Variants in ABHD12 observed in about 807,000 individuals in gnomAD.
ABHD12 encodes the protein abhydrolase domain containing 12, lysophospholipase.
ABHD12 carries 43 observed loss-of-function variants against 58.3 expected under a neutral mutation model. The ratio of observed to expected loss-of-function variants is 0.74; its 90% CI spans 0.58 to 0.95. The LOEUF is 0.95. Ranked by LOEUF, ABHD12 falls within the 40% of genes least tolerant of loss-of-function variation. The pLI is 0.00. For missense variants in ABHD12, 539 were observed against 537.2 expected, an observed-to-expected ratio of 1.00 and a Z score of -0.03; for synonymous variants, 219 against 211.2, an observed-to-expected ratio of 1.04 and a Z score of -0.32.
intron 1 of ABHD12, among the ~76,000 whole-genome samples, chr20:25,344,606 A>G (rs2089494889): frequency 6.6e-6 from 1 of 152,248 alleles, no homozygotes; most frequent in South Asian, 2.1e-4. Flanking sequence ...AACTTTATAG[A>G]TTCAATATAA....
At chr20:25,312,671 G>A (rs1239080548) in intron 6 of ABHD12, among the ~76,000 whole-genome samples, 1 of 148,372 alleles carries the variant, frequency 6.7e-6, no homozygotes, top group Admixed American at 6.7e-5. Context: ...CCCTCTGCCT[G>A]GCTGCCCAGT....
intron 2 of ABHD12, chr20:25,338,874 T>G: frequency 9.2e-7 from 1 of 1,090,630 alleles, no homozygotes; most frequent in Non-Finnish European, 1.1e-6. Flanking sequence ...GTTGTCAACA[T>G]TTTTACTCAC....
chr20:25,304,395 G>A (rs866783617), intron 10 of ABHD12, among the ~76,000 whole-genome samples: 2 of 152,168 alleles, frequency 1.3e-5, no homozygotes, highest in African/African-American at 2.4e-5. Context: ...CCCAGACCAC[G>A]GCCCACCTGA....
chr20:25,350,998 CACACACACACA>C (rs1161442062), intron 1 of ABHD12, among the ~76,000 whole-genome samples: 8 of 100,148 alleles, frequency 8.0e-5, no homozygotes, highest in Non-Finnish European at 1.5e-4. Flanking sequence ...CACACACACA[CACACACACACA>C]CCCTTATTAA....
chr20:25,356,805 C>T (rs1275610783), intron 1 of ABHD12, among the ~76,000 whole-genome samples: 1 of 152,142 alleles, frequency 6.6e-6, no homozygotes, highest in Non-Finnish European at 1.5e-5. Context: ...AAGGGAAATG[C>T]TTAGCGAGGC....
chr20:25,312,973 C>A (rs1445335270), intron 6 of ABHD12, among the ~76,000 whole-genome samples: 1 of 151,392 alleles, frequency 6.6e-6, no homozygotes, highest in African/African-American at 2.4e-5. Context: ...TGGGGGCCAG[C>A]CCCCGACCGG....
chr20:25,337,448 T>A (rs1264174345), intron 2 of ABHD12, among the ~76,000 whole-genome samples: 3 of 152,180 alleles, frequency 2.0e-5, no homozygotes, highest in Non-Finnish European at 4.4e-5. Flanking sequence ...AAAGTTCTCC[T>A]CCCTCAGAGC....
At chr20:25,373,934 A>C (rs996835920) in intron 1 of ABHD12, among the ~76,000 whole-genome samples, 8 of 151,918 alleles carry the variant, frequency 5.3e-5, no homozygotes, top group Non-Finnish European at 7.4e-5. Flanking sequence ...GCATTTATTT[A>C]TTTATTTATT....
intron 3 of ABHD12, among the ~76,000 whole-genome samples, chr20:25,322,757 CT>C (rs1184747875): frequency 2.0e-5 from 3 of 151,780 alleles, no homozygotes; most frequent in African/African-American, 7.3e-5. Context: ...GAGTCTTGCT[CT>C]GTCATCCAGG....
downstream of ABHD12, chr20:25,296,827 C>G: frequency 7.8e-6 from 3 of 385,472 alleles, no homozygotes; most frequent in South Asian, 9.1e-5. Context: ...CTGCTGGGCT[C>G]CCCCAGAACT....
At chr20:25,303,106 G>A (rs1373217892) in intron 11 of ABHD12, among the ~76,000 whole-genome samples, 1 of 152,216 alleles carries the variant, frequency 6.6e-6, no homozygotes, top group Non-Finnish European at 1.5e-5. Context: ...AAACAGGCTA[G>A]AAGTTTCTCT....
At chr20:25,372,951 T>C (rs756374535) in intron 1 of ABHD12, among the ~76,000 whole-genome samples, 10 of 152,206 alleles carry the variant, frequency 6.6e-5, no homozygotes, top group Non-Finnish European at 1.3e-4. Context: ...TTTTTATCTT[T>C]TATATTGTAT....
chr20:25,349,458 T>C (rs1209242534), intron 1 of ABHD12, among the ~76,000 whole-genome samples: 2 of 152,200 alleles, frequency 1.3e-5, no homozygotes, highest in Non-Finnish European at 2.9e-5. Flanking sequence ...AGCAGCATTA[T>C]TCATAATAGT....
intron 2 of ABHD12, among the ~76,000 whole-genome samples, chr20:25,330,148 C>T (rs536493459): frequency 1.4e-4 from 22 of 152,376 alleles, no homozygotes; most frequent in East Asian, 3.9e-4. Flanking sequence ...TTGCCTCACT[C>T]GGGAAGCGCA....
chr20:25,389,844 TC>T (rs2090145242), intron 1 of ABHD12: 1 of 152,042 alleles, frequency 6.6e-6, no homozygotes, highest in Non-Finnish European at 1.5e-5. Context: ...AGTCCCTCCT[TC>T]CCCTAGCACC....
intron 2 of ABHD12, among the ~76,000 whole-genome samples, chr20:25,338,614 G>T (rs550958972): frequency 7.6e-4 from 116 of 152,056 alleles, no homozygotes; most frequent in Non-Finnish European, 1.1e-3. Context: ...AACACACAAG[G>T]TCCAAGTTCA....
intron 1 of ABHD12, among the ~76,000 whole-genome samples, chr20:25,353,623 T>C (rs1345451124): frequency 6.6e-6 from 1 of 152,178 alleles, no homozygotes; most frequent in Admixed American, 6.5e-5. Flanking sequence ...GGACTGAGAA[T>C]GTTAGCTTCT....
chr20:25,369,402 C>T (rs994843625), intron 1 of ABHD12, among the ~76,000 whole-genome samples: 3 of 152,138 alleles, frequency 2.0e-5, no homozygotes, highest in African/African-American at 7.2e-5. Flanking sequence ...TTATTTCTTC[C>T]TCTAGCTGTG....
intron 2 of ABHD12, among the ~76,000 whole-genome samples, chr20:25,328,225 G>A (rs543556216): frequency 6.6e-6 from 1 of 152,294 alleles, no homozygotes; most frequent in African/African-American, 2.4e-5. Context: ...GATCTGGAGT[G>A]GGAAAGTGAG....
Sources: gnomAD v4.1 joint callset for allele counts (sites outside exome capture counted in the v4.1 genomes callset) on GRCh38, gnomAD v4.1.1 for gene constraint, MANE v1.5 for transcripts, NCBI Gene and HGNC (gene_info 2026-07-23, HGNC 2026-07-21) for gene names.